UGT1A10: variants seen among roughly 807,000 people sequenced by gnomAD.
UGT1A10 encodes UDP glucuronosyltransferase family 1 member A10.
UGT1A10 carries 49 observed loss-of-function variants against 45.8 expected under a neutral mutation model. The ratio of observed to expected loss-of-function variants is 1.07; its 90% CI spans 0.85 to 1.36. UGT1A10 has a LOEUF of 1.36. Among genes scored for constraint, UGT1A10 ranks in the 40% most tolerant of loss-of-function variants. UGT1A10 has a pLI of 0.00. For missense variants in UGT1A10, 745 were observed against 668.6 expected (o/e 1.11, Z -1.26); for synonymous variants, 284 against 249.7 (o/e 1.14, Z -1.29).
intron 1 of UGT1A10, among the ~76,000 whole-genome samples, chr2:233,698,952 C>T (rs990930969): frequency 6.6e-6 from 1 of 152,240 alleles, no homozygotes; most frequent in Admixed American, 6.5e-5. Context: ...TCTGTCCAAG[C>T]TGGCCCTTGG....
intron 1 of UGT1A10, among the ~76,000 whole-genome samples, chr2:233,703,296 C>G (rs2075730684): frequency 6.6e-6 from 1 of 151,032 alleles, no homozygotes; most frequent in African/African-American, 2.4e-5. Context: ...GTAACATTCC[C>G]TCTTTCATTT....
intron 1 of UGT1A10, among the ~76,000 whole-genome samples, chr2:233,738,801 T>C (rs1338084324): frequency 2.0e-5 from 3 of 152,194 alleles, no homozygotes; most frequent in Non-Finnish European, 4.4e-5. Context: ...GCAGAAATAC[T>C]AGCTAAAGAA....
At chr2:233,711,340 A>C (rs2076174915) in intron 1 of UGT1A10, among the ~76,000 whole-genome samples, 1 of 152,198 alleles carries the variant, frequency 6.6e-6, no homozygotes, top group Non-Finnish European at 1.5e-5. Flanking sequence ...CTGCATGGAG[A>C]TAGAACAGGG....
At chr2:233,677,292 G>C (rs994311025) in intron 1 of UGT1A10, among the ~76,000 whole-genome samples, 1 of 152,020 alleles carries the variant, frequency 6.6e-6, no homozygotes, top group African/African-American at 2.4e-5. Flanking sequence ...TATTTAAGTG[G>C]TATTTTTAAT....
intron 1 of UGT1A10, among the ~76,000 whole-genome samples, chr2:233,700,393 A>AT (rs2075560829): frequency 6.6e-6 from 1 of 152,184 alleles, no homozygotes; most frequent in South Asian, 2.1e-4. Flanking sequence ...CATGTGGAAC[A>AT]TTTTGGCAGC....
chr2:233,724,596 C>T (rs202203863), intron 1 of UGT1A10, among the ~76,000 whole-genome samples: 7 of 113,880 alleles, frequency 6.1e-5, no homozygotes, highest in Non-Finnish European at 1.1e-4. Flanking sequence ...ACATCTCAGA[C>T]GATGGGCGGC....
chr2:233,729,753 A>C (rs1211638875), intron 1 of UGT1A10: 1 of 1,613,964 alleles, frequency 6.2e-7, no homozygotes, highest in Non-Finnish European at 8.5e-7. Flanking sequence ...CATTCATGCA[A>C]AGGGTCAAGA....
At chr2:233,745,676 C>T (rs28900379) in intron 1 of UGT1A10, among the ~76,000 whole-genome samples, 3,652 of 149,480 alleles carry the variant, frequency 0.024, 62 homozygotes, top group Non-Finnish European at 0.032. Flanking sequence ...AATTTGGGAA[C>T]ATCAAAGCAA....
chr2:233,738,751 A>G (rs1205771191), intron 1 of UGT1A10, among the ~76,000 whole-genome samples: 1 of 152,150 alleles, frequency 6.6e-6, no homozygotes, highest in Non-Finnish European at 1.5e-5. Context: ...ATGTGGTAGA[A>G]AAGAAAAACC....
chr2:233,744,946 A>G (rs563141954), intron 1 of UGT1A10, among the ~76,000 whole-genome samples: 4 of 152,034 alleles, frequency 2.6e-5, no homozygotes, highest in African/African-American at 7.3e-5. Context: ...CAGTATTTGT[A>G]TATAACCTAC....
intron 1 of UGT1A10, chr2:233,752,552 G>A (rs942776893): frequency 6.6e-6 from 1 of 152,002 alleles, no homozygotes; most frequent in South Asian, 2.1e-4. Context: ...GCTCTTGCTG[G>A]GACAACATAG....
chr2:233,739,587 GCCTATAGCC>G (rs1691150074), intron 1 of UGT1A10, among the ~76,000 whole-genome samples: 1 of 152,224 alleles, frequency 6.6e-6, no homozygotes, highest in Non-Finnish European at 1.5e-5. Flanking sequence ...CTTGCATGGG[GCCTATAGCC>G]CCTTTGTTTT....
intron 1 of UGT1A10, among the ~76,000 whole-genome samples, chr2:233,725,523 T>C (rs970179720): frequency 6.6e-6 from 1 of 152,060 alleles, no homozygotes; most frequent in African/African-American, 2.4e-5. Context: ...TAAGGCATTG[T>C]TTAACCAGAC....
chr2:233,649,549 A>G (rs936615159), intron 1 of UGT1A10, among the ~76,000 whole-genome samples: 1 of 152,228 alleles, frequency 6.6e-6, no homozygotes, highest in African/African-American at 2.4e-5. Context: ...CAAATCAACT[A>G]TCAGGCTGGA....
At chr2:233,661,632 T>TTTCTTTTCTTTCTTTCC (rs2073967976) in intron 1 of UGT1A10, among the ~76,000 whole-genome samples, 5 of 121,306 alleles carry the variant, frequency 4.1e-5, no homozygotes, top group Admixed American at 3.5e-4. Flanking sequence ...ATTTTCTTTC[T>TTTCTTTTCTTTCTTTCC]TTCTTTCTTT....
intron 1 of UGT1A10, among the ~76,000 whole-genome samples, chr2:233,688,791 G>A (rs1031609819): frequency 2.6e-5 from 4 of 152,060 alleles, no homozygotes; most frequent in Admixed American, 2.6e-4. Context: ...GGAGAGGAAG[G>A]CATTGATTAG....
chr2:233,720,875 T>C (rs1162518067), intron 1 of UGT1A10, among the ~76,000 whole-genome samples: 2 of 150,264 alleles, frequency 1.3e-5, no homozygotes, highest in East Asian at 3.9e-4. Context: ...CTGGCAATTT[T>C]TTTTTTTTTT....
At chr2:233,672,198 G>A (rs200971960) in intron 1 of UGT1A10, 8 of 1,614,126 alleles carry the variant, frequency 5.0e-6, no homozygotes, top group Non-Finnish European at 6.8e-6. Context: ...ATCTGGACCG[G>A]GAGTTCAAGG....
intron 1 of UGT1A10, among the ~76,000 whole-genome samples, chr2:233,714,428 C>T (rs2076386615): frequency 6.6e-6 from 1 of 152,106 alleles, no homozygotes; most frequent in African/African-American, 2.4e-5. Context: ...GAGAATGAAA[C>T]ACAGAGTTCA....
Sources: gnomAD v4.1 joint callset for allele counts (sites outside exome capture counted in the v4.1 genomes callset) on GRCh38, gnomAD v4.1.1 for gene constraint, MANE v1.5 for transcripts, NCBI Gene and HGNC (gene_info 2026-07-23, HGNC 2026-07-21) for gene names.